MICU2: variants seen among roughly 807,000 people sequenced by gnomAD.
MICU2 encodes the protein calcium uptake protein 2, mitochondrial.
A neutral mutation model predicts 60.4 loss-of-function variants in MICU2; 64 were observed. That is an observed-to-expected ratio of 1.06 (90% CI 0.87 to 1.31). The LOEUF is 1.31. Among genes scored for constraint, MICU2 ranks in the 50% most tolerant of loss-of-function variants. MICU2 has a pLI of 0.00. For synonymous variants in MICU2, 201 were observed against 175.0 expected, an observed-to-expected ratio of 1.15 and a Z score of -1.17; for missense variants, 569 against 531.0, an observed-to-expected ratio of 1.07 and a Z score of -0.70.
At chr13:21,545,094 G>GA (rs1331232008) in intron 2 of MICU2, among the ~76,000 whole-genome samples, 1 of 152,078 alleles carries the variant, frequency 6.6e-6, no homozygotes, top group East Asian at 1.9e-4. Flanking sequence ...TCATCCAAAG[G>GA]AAAAAACAAT....
chr13:21,589,041 AAGAT>A (rs1414991490), intron 1 of MICU2, among the ~76,000 whole-genome samples: 2 of 152,250 alleles, frequency 1.3e-5, no homozygotes, highest in Non-Finnish European at 2.9e-5. Context: ...TTGGGAAAAT[AAGAT>A]AGCCTTAGAC....
At chr13:21,550,457 G>A (rs750672144) in intron 2 of MICU2, among the ~76,000 whole-genome samples, 13 of 152,156 alleles carry the variant, frequency 8.5e-5, no homozygotes, top group Non-Finnish European at 1.6e-4. Context: ...GGGATTGCTG[G>A]AACCCAGGAG....
At chr13:21,583,943 T>G (rs1022043972) in intron 1 of MICU2, among the ~76,000 whole-genome samples, 7 of 152,212 alleles carry the variant, frequency 4.6e-5, no homozygotes, top group Non-Finnish European at 8.8e-5. Context: ...TATATAATCT[T>G]CTAATTGCAT....
chr13:21,539,273 C>T (rs1887214796), intron 4 of MICU2, 29 bp downstream of exon 4: 1 of 1,583,448 alleles, frequency 6.3e-7, no homozygotes, highest in Non-Finnish European at 8.7e-7. Context: ...AAACACATAA[C>T]TAGAAATTTA....
At chr13:21,594,838 T>C (rs1481363725) in intron 1 of MICU2, among the ~76,000 whole-genome samples, 3 of 151,716 alleles carry the variant, frequency 2.0e-5, no homozygotes, top group Non-Finnish European at 4.4e-5. Flanking sequence ...TGAGAACCCA[T>C]GGATGCAGAG....
intron 2 of MICU2, among the ~76,000 whole-genome samples, chr13:21,554,922 G>T (rs1688708578): frequency 6.6e-6 from 1 of 152,170 alleles, no homozygotes; most frequent in Admixed American, 6.5e-5. Context: ...AAATCTAGAA[G>T]AAATGGATAA....
intron 11 of MICU2, among the ~76,000 whole-genome samples, chr13:21,494,178 GA>G (rs1202187293): frequency 6.6e-6 from 1 of 152,124 alleles, no homozygotes; most frequent in Non-Finnish European, 1.5e-5. Context: ...GTTTGCTAAT[GA>G]AAATAATATT....
At chr13:21,600,643 A>C (rs1405737349) in intron 1 of MICU2, among the ~76,000 whole-genome samples, 1 of 151,822 alleles carries the variant, frequency 6.6e-6, no homozygotes, top group Non-Finnish European at 1.5e-5. Context: ...ATGACATGAA[A>C]CTCTACCCTT....
intron 2 of MICU2, among the ~76,000 whole-genome samples, chr13:21,546,295 C>CTT (rs33921647): frequency 0.28 from 36,954 of 131,028 alleles, 5,126 homozygotes; most frequent in South Asian, 0.37. Context: ...GATAAAAAGA[C>CTT]TTTTTTTTTT....
intron 4 of MICU2, among the ~76,000 whole-genome samples, chr13:21,525,181 ATTTT>A (rs71093324): frequency 0.054 from 4,416 of 82,372 alleles, 74 homozygotes; most frequent in African/African-American, 0.18. Context: ...GTGTAATTCA[ATTTT>A]TTTTTTTTTT....
At chr13:21,588,986 C>T (rs1047923347) in intron 1 of MICU2, among the ~76,000 whole-genome samples, 3 of 152,148 alleles carry the variant, frequency 2.0e-5, no homozygotes, top group African/African-American at 7.2e-5. Flanking sequence ...ACTAAAAATG[C>T]TATTAAAGGA....
intron 1 of MICU2, among the ~76,000 whole-genome samples, chr13:21,581,671 T>C (rs183360276): frequency 6.6e-6 from 1 of 152,272 alleles, no homozygotes; most frequent in South Asian, 2.1e-4. Context: ...ATATAGTTAA[T>C]GAAGTTTAAA....
At chr13:21,498,279 T>A (rs1451465098) in intron 9 of MICU2, among the ~76,000 whole-genome samples, 2 of 151,430 alleles carry the variant, frequency 1.3e-5, no homozygotes, top group African/African-American at 2.4e-5. Flanking sequence ...GAAGGATAAA[T>A]GATGAAGAGT....
At chr13:21,590,163 G>C (rs1489726952) in intron 1 of MICU2, among the ~76,000 whole-genome samples, 1 of 152,104 alleles carries the variant, frequency 6.6e-6, no homozygotes, top group Non-Finnish European at 1.5e-5. Context: ...AGGTCAAAAT[G>C]AAGGAAAAAC....
chr13:21,551,300 A>G (rs1329647472), intron 2 of MICU2: 1 of 152,374 alleles, frequency 6.6e-6, no homozygotes, highest in African/African-American at 2.4e-5. Context: ...TTATACATTT[A>G]AAAAAATAAA....
intron 5 of MICU2, among the ~76,000 whole-genome samples, chr13:21,522,136 C>T (rs546981721): frequency 2.6e-5 from 4 of 152,302 alleles, no homozygotes; most frequent in East Asian, 1.9e-4. Flanking sequence ...ACTACACTAT[C>T]GACTTAATCT....
Position 21,546,877 on chromosome 13 carries a change from T to C in MICU2, c.359-7189A>G, listed in dbSNP as rs1454357128. ...CTGATAAACTTACTATTAGTTCTAA[T>C]AGCTTTAATATTGATTCTTTGGCAT... On this transcript the variant is annotated intron_variant, in intron 2 of 11. Transcript: ENST00000382374. Among the ~76,000 whole-genome samples, 4 of 152,358 alleles carry C rather than the reference T, an allele frequency of 2.6e-5. No individual in the cohort carries two copies. In the East Asian group the frequency reaches 7.7e-4, roughly 29 times the overall value.
chr13:21,552,875 C>G (rs1183916328), intron 2 of MICU2, among the ~76,000 whole-genome samples: 1 of 152,152 alleles, frequency 6.6e-6, no homozygotes. Flanking sequence ...ATGCCTCCAG[C>G]TTTGTTCTTT....
At chr13:21,528,775 A>G (rs1267545491) in intron 4 of MICU2, among the ~76,000 whole-genome samples, 1 of 152,258 alleles carries the variant, frequency 6.6e-6, no homozygotes, top group East Asian at 1.9e-4. Flanking sequence ...GAGAAAGAAT[A>G]TATAAAGAAT....
Sources: gnomAD v4.1 joint callset for allele counts (sites outside exome capture counted in the v4.1 genomes callset) on GRCh38, gnomAD v4.1.1 for gene constraint, MANE v1.5 for transcripts, NCBI Gene and HGNC (gene_info 2026-07-23, HGNC 2026-07-21) for gene names.